RABL6: variants seen among roughly 807,000 people sequenced by gnomAD.
The protein encoded by RABL6 is RAB, member RAS oncogene family like 6, also known as rab-like protein 6.
In RABL6, 28 loss-of-function variants were observed where a neutral mutation model predicts 72.9. The ratio of observed to expected loss-of-function variants is 0.38; its 90% CI spans 0.28 to 0.53. RABL6 has a LOEUF of 0.53. Among genes scored for constraint, RABL6 ranks in the 20% least tolerant of loss-of-function variants. The pLI is 0.80. For synonymous variants in RABL6, 477 were observed against 421.2 expected, an observed-to-expected ratio of 1.13 and a Z score of -1.62; for missense variants, 1,029 against 1,008.4, an observed-to-expected ratio of 1.02 and a Z score of -0.28.
At chr9:136,829,597 G>C in intron 5 of RABL6, 113 bp downstream of exon 5, 2 of 991,546 alleles carry the variant, frequency 2.0e-6, no homozygotes, top group Non-Finnish European at 3.1e-6. Flanking sequence ...GCAGGACCGA[G>C]GGACTCTTGC....
Position 136,836,025 on chromosome 9 carries a change from C to G in RABL6, c.809+180C>G, listed in dbSNP as rs112403278. On this transcript the variant is annotated intron_variant, in intron 8 of 14. Transcript: ENST00000311502. ...TTTGCACTGCCCCCAGCAGCCCCCC[C>G]ACAGTCACCCCTGGCGTGGACTCCT... is the stretch of plus-strand genomic sequence containing the variant. 9.0e-5 allele frequency: 54 copies of G among 602,822 alleles called. 3 individuals carry two copies. The highest frequency in any genetic ancestry group is 6.3e-4 in the African/African-American group (34 of 53,836). The allele number at this position is 602,822 out of a possible 1,614,324, so 37.3% of individuals were successfully genotyped here.
intron 7 of RABL6, chr9:136,833,837 A>T (rs1848532484): frequency 1.3e-6 from 2 of 1,550,502 alleles, no homozygotes; most frequent in East Asian, 4.9e-5. Flanking sequence ...GGAAGGCGGC[A>T]GTCAGACTTG....
intron 7 of RABL6, 41 bp from the exon 8 acceptor site, chr9:136,835,701 G>A (rs1848571981): frequency 6.6e-7 from 1 of 1,518,058 alleles, no homozygotes; most frequent in Non-Finnish European, 8.9e-7. Flanking sequence ...ACTCGCAGCA[G>A]GAAGGAGCCC....
intron 8 of RABL6, 68 bp downstream of exon 8, chr9:136,835,913 G>C: frequency 7.0e-7 from 1 of 1,420,286 alleles, no homozygotes; most frequent in Non-Finnish European, 9.7e-7. Flanking sequence ...GCAGGGCCAT[G>C]GGCTGCACCA....
chr9:136,838,091 T>G, intron 10 of RABL6, 76 bp downstream of exon 10: 2 of 1,519,970 alleles, frequency 1.3e-6, no homozygotes, highest in Non-Finnish European at 1.8e-6. Flanking sequence ...TGGGGCTGGC[T>G]TTCTAGGGGC....
chr9:136,835,932 G>A, intron 8 of RABL6, 87 bp downstream of exon 8: 3 of 1,270,544 alleles, frequency 2.4e-6, no homozygotes, highest in Non-Finnish European at 3.3e-6. Flanking sequence ...CAAGGAGACA[G>A]CAGAGGGGAG....
At chr9:136,837,160 C>A in intron 8 of RABL6, 186 bp from the exon 9 acceptor site, 1 of 745,154 alleles carries the variant, frequency 1.3e-6, no homozygotes, top group Non-Finnish European at 2.4e-6. Context: ...CAGGCATGAG[C>A]CACCGTGCCT....
intron 6 of RABL6, 105 bp from the exon 7 acceptor site, chr9:136,832,160 A>G: frequency 9.1e-7 from 1 of 1,102,538 alleles, no homozygotes; most frequent in Non-Finnish European, 1.3e-6. Flanking sequence ...AGGAGCCTGC[A>G]GGAGGAGGGA....
At chr9:136,815,503 C>A in intron 1 of RABL6, 2 of 260,752 alleles carry the variant, frequency 7.7e-6, no homozygotes, top group South Asian at 9.0e-5. Flanking sequence ...TTCTTGGGGT[C>A]ACCTTGGTTT....
At chr9:136,817,589 G>GGGCTGAGGGGAGGCCGAC (rs1848146663) in intron 1 of RABL6, among the ~76,000 whole-genome samples, 1 of 151,040 alleles carries the variant, frequency 6.6e-6, no homozygotes, top group East Asian at 2.0e-4. Context: ...AGGCCGACGT[G>GGGCTGAGGGGAGGCCGAC]GGCTGAGGGG....
chr9:136,808,502 G>A, intron 1 of RABL6, 176 bp downstream of exon 1: 1 of 591,300 alleles, frequency 1.7e-6, no homozygotes, highest in Non-Finnish European at 2.4e-6. Context: ...GGAGAGGCCA[G>A]GCCAGGGCCG....
Position 136,829,698 on chromosome 9 carries a change from G to A in RABL6, c.458+214G>A, listed in dbSNP as rs910830434. 5.3e-5 allele frequency among the ~76,000 whole-genome samples: 8 copies of A among 152,368 alleles called. No individual in the cohort carries two copies. The East Asian group carries it at 1.2e-3, about 22-fold the overall frequency. On this transcript the variant is annotated intron_variant, in intron 5 of 14. Transcript: ENST00000311502. ...GCCTGTGCCTATGGGGCGGGATGGCGTGGGCCGGCTGCAAAAGGCATCTGG... is the reference window on the plus strand; with the variant it reads ...GCCTGTGCCTATGGGGCGGGATGGCATGGGCCGGCTGCAAAAGGCATCTGG...
At position 136,825,542 on chromosome 9, in the gene RABL6, G is replaced by A. The variant is rs533506442; in HGVS notation, c.266-237G>A. ...GAGGGAGGGGCCGTGCCCAGGATTG[G>A]GGCTGCGGAGGGAGATACCGTGCAT... On this transcript the variant is annotated intron_variant, in intron 2 of 14. Transcript: ENST00000311502. Among the ~76,000 whole-genome samples the A allele has an allele frequency of 2.0e-5, 3 of 152,294 alleles. No individual in the cohort carries two copies. The South Asian group carries it at 6.2e-4, about 32-fold the overall frequency.
In RABL6 at chr9:136,837,291, G is replaced by C. The variant is rs1360949701; in HGVS notation, c.810-55G>C. The C allele has an allele frequency of 2.7e-6, 4 of 1,506,188 alleles. No homozygotes were observed. The African/African-American group carries it at 5.5e-5, about 21-fold the overall frequency. 93.3% of individuals were successfully genotyped at this position (1,506,188 alleles called of 1,614,324 possible). A position where few individuals can be genotyped will look rare whatever the true frequency, so the allele number is the denominator to read the frequency against. ...CAGCAGAGAGCCCCCTGTCACCTGA[G>C]GGCCTCAGGGAGAGGCAGGGGAGCC... On this transcript the variant is annotated intron_variant, in intron 8 of 14. Transcript: ENST00000311502.
intron 5 of RABL6, among the ~76,000 whole-genome samples, chr9:136,830,283 A>T (rs543623992): frequency 5.3e-5 from 8 of 152,244 alleles, no homozygotes; most frequent in Admixed American, 5.2e-4. Context: ...CCGCACACTC[A>T]GCACGCATCA....
At chr9:136,820,618 G>A (rs1848217098) in intron 1 of RABL6, among the ~76,000 whole-genome samples, 1 of 152,118 alleles carries the variant, frequency 6.6e-6, no homozygotes, top group Non-Finnish European at 1.5e-5. Flanking sequence ...TGATCCGCCC[G>A]CCTCGGCCTC....
chr9:136,834,953 C>A (rs1160167495), intron 7 of RABL6, among the ~76,000 whole-genome samples: 48 of 137,538 alleles, frequency 3.5e-4, no homozygotes, highest in African/African-American at 9.5e-4. Context: ...AAAAAAAAAT[C>A]TCTGAAAAAG....
At chr9:136,821,751 C>T (rs1390765862) in intron 1 of RABL6, 6 of 1,146,812 alleles carry the variant, frequency 5.2e-6, no homozygotes, top group Admixed American at 9.1e-5. Context: ...GCCGGGCCGC[C>T]GGGCTGGAGG....
intron 1 of RABL6, chr9:136,822,190 A>C: frequency 1.1e-6 from 1 of 944,748 alleles, no homozygotes; most frequent in Non-Finnish European, 1.4e-6. Context: ...CCTGACAGAA[A>C]ACCTGGGGGG....
Sources: gnomAD v4.1 joint callset for allele counts (sites outside exome capture counted in the v4.1 genomes callset) on GRCh38, gnomAD v4.1.1 for gene constraint, MANE v1.5 for transcripts, NCBI Gene and HGNC (gene_info 2026-07-23, HGNC 2026-07-21) for gene names.